The following DMXL1 variants were observed in gnomAD, a reference collection of about 807,000 sequenced individuals.
DMXL1 encodes the protein dmX-like protein 1.
DMXL1 carries 99 observed loss-of-function variants against 319.2 expected under a neutral mutation model. The ratio of observed to expected loss-of-function variants is 0.31; its 90% CI spans 0.26 to 0.37. DMXL1 has a LOEUF of 0.37. Among genes scored for constraint, DMXL1 ranks in the 10% least tolerant of loss-of-function variants. DMXL1 has a pLI of 1.00. For synonymous variants in DMXL1, 1,385 were observed against 1,235.2 expected (o/e 1.12, Z -2.54); for missense variants, 3,745 against 3,595.6 (o/e 1.04, Z -1.06).
intron 13 of DMXL1, among the ~76,000 whole-genome samples, chr5:119,136,325 G>A (rs982548114): frequency 2.2e-4 from 34 of 152,192 alleles, no homozygotes; most frequent in African/African-American, 8.0e-4. Context: ...ACAAAGAGAT[G>A]GTTTGAAATT....
intron 38 of DMXL1, among the ~76,000 whole-genome samples, chr5:119,230,027 CAT>C (rs1267122893): frequency 6.6e-6 from 1 of 152,114 alleles, no homozygotes; most frequent in Non-Finnish European, 1.5e-5. Flanking sequence ...TAATATCCAT[CAT>C]TTAATTTAAC....
intron 4 of DMXL1, among the ~76,000 whole-genome samples, chr5:119,109,070 G>C (rs1758991390): frequency 6.6e-6 from 1 of 152,074 alleles, no homozygotes; most frequent in Admixed American, 6.5e-5. Flanking sequence ...CAAAGTGCTG[G>C]GATTGCAGGT....
In DMXL1 at chr5:119,147,305, T is replaced by G. The variant is rs766036796; in HGVS notation, c.2746T>G (p.Ser916Ala). ...EAVWQPEEHY[S>A]SSPEKILSPF... Reference sequence around the variant, plus strand: ...GGTTTGGCAGCCAGAAGAACATTATTCTTCTTCTCCAGAGAAGATCCTATC... The same window carrying G: ...GGTTTGGCAGCCAGAAGAACATTATGCTTCTTCTCCAGAGAAGATCCTATC... The change falls in exon 17 of 44, where the codon TCT becomes GCT. Residue 916 changes from serine to alanine, a missense_variant. Ser to Ala is a moderately conservative substitution (Grantham distance 99). This residue lies in a region of DMXL1 where 2,096 missense variants were observed against 1,985.4 expected (regional missense o/e 1.06). Coordinates refer to ENST00000539542, the MANE Select transcript of DMXL1 (RefSeq NM_001290321.3). The G allele has an allele frequency of 4.3e-6, 7 of 1,613,484 alleles. No homozygotes were observed. In the South Asian group the frequency reaches 7.7e-5, roughly 18 times the overall value.
At chr5:119,207,510 A>G (rs1015013349) in intron 34 of DMXL1, among the ~76,000 whole-genome samples, 3 of 152,020 alleles carry the variant, frequency 2.0e-5, no homozygotes, top group African/African-American at 4.8e-5. Context: ...TGCATATTCA[A>G]CTATGACTAT....
At chr5:119,130,254 C>G (rs918508135) in intron 10 of DMXL1, among the ~76,000 whole-genome samples, 3 of 152,080 alleles carry the variant, frequency 2.0e-5, no homozygotes, top group Admixed American at 6.5e-5. Flanking sequence ...CTTATGCTCA[C>G]ACAAACATCT....
At chr5:119,232,183 T>G (rs1786871856) in intron 38 of DMXL1, among the ~76,000 whole-genome samples, 1 of 152,082 alleles carries the variant, frequency 6.6e-6, no homozygotes, top group Admixed American at 6.6e-5. Context: ...ATAGAAAAGT[T>G]GAGCGATTTT....
chr5:119,179,268 A>T (rs1776375724), intron 28 of DMXL1, among the ~76,000 whole-genome samples: 1 of 148,760 alleles, frequency 6.7e-6, no homozygotes, highest in Non-Finnish European at 1.5e-5. Context: ...TTCATTCTAT[A>T]TTGGTGTTGA....
intron 37 of DMXL1, among the ~76,000 whole-genome samples, chr5:119,221,615 T>A (rs77696184): frequency 0.02 from 3,060 of 152,242 alleles, 48 homozygotes; most frequent in Non-Finnish European, 0.027. Flanking sequence ...AGTGGCAGAA[T>A]TGAGTATCTG....
At chr5:119,130,345 G>T (rs1016694749) in intron 10 of DMXL1, among the ~76,000 whole-genome samples, 22 of 150,166 alleles carry the variant, frequency 1.5e-4, no homozygotes, top group East Asian at 7.8e-4. Context: ...TTTTTTTTTT[G>T]TTTGTTTGTT....
Position 119,134,066 on chromosome 5 carries a change from G to C in DMXL1, c.2142G>C (p.Gly714=), listed in dbSNP as rs761089401. ...TTCTGTGGAGGGTTGACCCAGTTGGGCCATTGTCTTTTTCTGGAGGAGTTT... is the reference window on the plus strand; with the variant it reads ...TTCTGTGGAGGGTTGACCCAGTTGGCCCATTGTCTTTTTCTGGAGGAGTTT... ...ELILWRVDPV[G]PLSFSGGVSE... Residue 714 remains glycine (G), a synonymous_variant, in exon 12 of 44, where the codon GGG becomes GGC. Coordinates refer to ENST00000539542, the MANE Select transcript of DMXL1 (RefSeq NM_001290321.3). 2 of 1,614,030 alleles carry C rather than the reference G, an allele frequency of 1.2e-6. No individual in the cohort carries two copies. Among genetic ancestry groups the C allele is most frequent in the African/African-American group, 2.7e-5 (2 of 74,916 alleles).
At chr5:119,121,933 C>G (rs867235765) in intron 9 of DMXL1, among the ~76,000 whole-genome samples, 2 of 147,340 alleles carry the variant, frequency 1.4e-5, no homozygotes, top group African/African-American at 5.0e-5. Flanking sequence ...ACCTCCCTCC[C>G]GGACGGGGCG....
intron 40 of DMXL1, 57 bp from the exon 41 acceptor site, chr5:119,238,932 C>A: frequency 1.3e-6 from 2 of 1,597,646 alleles, no homozygotes; most frequent in Non-Finnish European, 1.7e-6. Flanking sequence ...AATACATTTA[C>A]CTGGTTATGA....
At chr5:119,112,656 T>C (rs999620160) in intron 5 of DMXL1, among the ~76,000 whole-genome samples, 9 of 152,160 alleles carry the variant, frequency 5.9e-5, no homozygotes, top group African/African-American at 1.9e-4. Context: ...GCATAAATAA[T>C]TCTTTAGAAA....
intron 1 of DMXL1, among the ~76,000 whole-genome samples, chr5:119,073,103 C>T (rs1561517211): frequency 6.6e-6 from 1 of 152,210 alleles, no homozygotes; most frequent in African/African-American, 2.4e-5. Context: ...CCCTCTGTCA[C>T]CTAGGCTGGA....
intron 9 of DMXL1, among the ~76,000 whole-genome samples, chr5:119,123,066 C>T (rs952507808): frequency 4.6e-5 from 7 of 152,062 alleles, no homozygotes; most frequent in Admixed American, 1.3e-4. Context: ...CCTGGGAGGC[C>T]GAGGCTGGTG....
At chr5:119,131,538 A>G (rs1764900031) in intron 10 of DMXL1, among the ~76,000 whole-genome samples, 1 of 152,198 alleles carries the variant, frequency 6.6e-6, no homozygotes, top group South Asian at 2.1e-4. Flanking sequence ...AATTACACTC[A>G]AATAATGTAT....
chr5:119,195,248 A>G (rs1779410114), intron 30 of DMXL1, among the ~76,000 whole-genome samples: 1 of 152,228 alleles, frequency 6.6e-6, no homozygotes, highest in African/African-American at 2.4e-5. Flanking sequence ...CTATGGATAT[A>G]TACCTGAAAA....
intron 28 of DMXL1, among the ~76,000 whole-genome samples, chr5:119,184,020 T>C (rs998850669): frequency 6.6e-6 from 1 of 151,976 alleles, no homozygotes; most frequent in African/African-American, 2.4e-5. Context: ...GCAACATTCA[T>C]TTATCTGACC....
intron 9 of DMXL1, chr5:119,127,858 T>C: frequency 3.0e-6 from 1 of 329,044 alleles, no homozygotes; most frequent in Non-Finnish European, 6.1e-6. Context: ...GGCATTTCTC[T>C]GGTATCAGCA....
Sources: gnomAD v4.1 joint callset for allele counts (sites outside exome capture counted in the v4.1 genomes callset) on GRCh38, gnomAD v4.1.1 for gene constraint, gnomAD v4.1.1 regional missense constraint, MANE v1.5 for transcripts, NCBI Gene and HGNC (gene_info 2026-07-23, HGNC 2026-07-21) for gene names.